Variants in FCHO1 observed in about 807,000 individuals in gnomAD.
FCHO1 encodes F-BAR domain only protein 1.
In FCHO1, 45 loss-of-function variants were observed where a neutral mutation model predicts 114.4. The ratio of observed to expected loss-of-function variants is 0.39; its 90% CI spans 0.31 to 0.50. The LOEUF (loss-of-function observed/expected upper bound fraction) is 0.50, where lower values mean the gene tolerates loss of function less well. FCHO1 is among the 20% of genes least tolerant of loss of function. FCHO1 has a pLI of 0.77. For missense variants in FCHO1, 1,042 were observed against 1,209.6 expected (o/e 0.86, Z 2.06); for synonymous variants, 480 against 488.9 (o/e 0.98, Z 0.24).
intron 27 of FCHO1, among the ~76,000 whole-genome samples, chr19:17,787,094 C>T (rs756577684): frequency 5.9e-5 from 9 of 151,400 alleles, no homozygotes; most frequent in South Asian, 4.2e-4. Flanking sequence ...TGTGGTGGCA[C>T]GCACCTGTGA....
intron 27 of FCHO1, among the ~76,000 whole-genome samples, chr19:17,787,083 G>A (rs532963096): frequency 1.6e-3 from 247 of 151,790 alleles, no homozygotes; most frequent in Non-Finnish European, 2.3e-3. Flanking sequence ...AATTAGCCGC[G>A]TGTGGTGGCA....
chr19:17,769,109 C>G (rs971039727), intron 7 of FCHO1, among the ~76,000 whole-genome samples: 3 of 150,606 alleles, frequency 2.0e-5, no homozygotes, highest in Non-Finnish European at 4.4e-5. Context: ...AACCCTGTCT[C>G]TACTAAAAAT....
chr19:17,756,559 G>C (rs1179440095), intron 4 of FCHO1, among the ~76,000 whole-genome samples: 2 of 152,140 alleles, frequency 1.3e-5, no homozygotes, highest in African/African-American at 2.4e-5. Flanking sequence ...GATTCGAATT[G>C]ACTCTGCTGG....
intron 4 of FCHO1, among the ~76,000 whole-genome samples, chr19:17,757,263 G>T (rs1360082575): frequency 6.6e-6 from 1 of 151,820 alleles, no homozygotes; most frequent in Non-Finnish European, 1.5e-5. Flanking sequence ...TGGTGGGAGA[G>T]ACAGACCTGA....
In FCHO1 at chr19:17,776,375, T is replaced by C; in HGVS notation, c.1207+104T>C. 7.1e-7 allele frequency: 1 copy of C among 1,405,548 alleles called. No homozygotes were observed. The highest frequency in any genetic ancestry group is 1.7e-5 in the Admixed American group (1 of 59,684). The allele number at this position is 1,405,548 out of a possible 1,614,324, so 87.1% of individuals were successfully genotyped here. A position where few individuals can be genotyped will look rare whatever the true frequency, so the allele number is the denominator to read the frequency against. ...GTTTTGTAACTTTGGGCAGGCTGCT[T>C]AACCACACTGACCTTCAGTCTCCTT... On this transcript the variant is annotated intron_variant, in intron 17 of 28. Transcript: ENST00000596536. This position sits in a 1 kb window ranked among gnomAD's most constrained non-coding sequence, Gnocchi z 4.4.
rs529896122 is a variant in FCHO1 at position 17,762,276 on chromosome 19, G to A, written c.28-486G>A. ...GTTGGGATTACGGGCGTGAGCCACCGTGCCCAGCTCAACACACTTTTTTTT... is the reference window on the plus strand; with the variant it reads ...GTTGGGATTACGGGCGTGAGCCACCATGCCCAGCTCAACACACTTTTTTTT... On this transcript the variant is annotated intron_variant, in intron 4 of 28. Coordinates refer to ENST00000596536, the MANE Select transcript of FCHO1 (RefSeq NM_015122.3). Among the ~76,000 whole-genome samples, 11 of 150,530 alleles carry A rather than the reference G, an allele frequency of 7.3e-5. No homozygotes were observed. In the East Asian group the frequency reaches 1.6e-3, roughly 22 times the overall value.
rs919450995 is a variant in FCHO1, at chr19:17,772,551, G to A, written c.689G>A (p.Gly230Glu). 5.6e-6 allele frequency: 9 copies of A among 1,613,986 alleles called. No individual in the cohort carries two copies. The highest frequency in any genetic ancestry group is 7.6e-6 in the Non-Finnish European group (9 of 1,179,988). The change falls in exon 10 of 29, where the codon GGG (glycine) becomes GAG (glutamate). Residue 230 changes from glycine to glutamate, a missense_variant. This residue lies in a region of FCHO1 where 450 missense variants were observed against 564.1 expected (regional missense o/e 0.80). Coordinates refer to ENST00000596536, the MANE Select transcript of FCHO1 (RefSeq NM_015122.3). ...GTGGAGGACACGCACGTGCAGATTG[G>A]GCAGGTGAGTTGGGCAGGTGTGAGG... ...HSVEDTHVQI[G>E]QVHEEFKQNI...
Position 17,775,134 on chromosome 19 carries a change from CA to C in FCHO1, c.945+55del, listed in dbSNP as rs2092436792. 5.7e-6 allele frequency: 9 copies of C among 1,571,998 alleles called. No homozygotes were observed. The Admixed American group carries it at 1.6e-4, about 28-fold the overall frequency. ...GCTACAAGTGGAAGGAGTTTGATCC[CA>C]CTCTTGGCTCCTAGAGTCCCGATCC... On this transcript the variant is annotated intron_variant, in intron 14 of 28. Transcript: ENST00000596536. This position sits in a 1 kb window ranked among gnomAD's most constrained non-coding sequence, Gnocchi z 5.1.
intron 7 of FCHO1, among the ~76,000 whole-genome samples, chr19:17,767,385 C>T (rs144585802): frequency 0.015 from 1,276 of 85,476 alleles, 39 homozygotes; most frequent in East Asian, 0.14. Flanking sequence ...TAGGGAGACC[C>T]CATCTTTACC....
rs373033903 is a variant in FCHO1 at position 17,778,189 on chromosome 19, C to T, written c.1312C>T (p.Pro438Ser). 1.6e-5 allele frequency: 26 copies of T among 1,613,662 alleles called. No homozygotes were observed. Among genetic ancestry groups the T allele is most frequent in the African/African-American group, 2.7e-5 (2 of 74,924 alleles). Residue 438 changes from proline (P) to serine (S), a missense_variant, in exon 19 of 29, where the codon CCG becomes TCG. Around this residue, in one of 3 missense-constraint regions of FCHO1, gnomAD observed 455 missense variants for 455.4 expected, o/e 1.00. Coordinates refer to ENST00000596536, the MANE Select transcript of FCHO1 (RefSeq NM_015122.3). ...EEQVSKNLFG[P>S]PLESAFDHED... ...GCAGGTGTCCAAGAACCTCTTTGGG[C>T]CGCCCCTGGAGTCAGCCTTTGACCA...
chr19:17,763,006 AC>A (rs994446592), intron 5 of FCHO1, among the ~76,000 whole-genome samples, 153 bp downstream of exon 5: 39 of 152,100 alleles, frequency 2.6e-4, no homozygotes, highest in African/African-American at 9.4e-4. Flanking sequence ...CCGATTCTCA[AC>A]CCGGTCAGGC....
chr19:17,750,535 T>G (rs1255595528), upstream of FCHO1, among the ~76,000 whole-genome samples: 1 of 152,128 alleles, frequency 6.6e-6, no homozygotes, highest in East Asian at 1.9e-4. Context: ...CTCCGCTCAC[T>G]GCAACCTCCA....
At position 17,774,245 on chromosome 19, in the gene FCHO1, T is replaced by C; in HGVS notation, c.797T>C (p.Leu266Pro). 2 of 1,614,100 alleles carry C rather than the reference T, an allele frequency of 1.2e-6. No individual in the cohort carries two copies. Among genetic ancestry groups the C allele is most frequent in the Non-Finnish European group, 1.7e-6 (2 of 1,179,994 alleles). The change falls in exon 12 of 29, where the codon CTG becomes CCG. Residue 266 changes from leucine to proline, a missense_variant. By Grantham distance (98) the Leu-to-Pro change is moderately conservative (BLOSUM62 -3). Around this residue, in one of 3 missense-constraint regions of FCHO1, gnomAD observed 450 missense variants for 564.1 expected, o/e 0.80. Coordinates refer to ENST00000596536, the MANE Select transcript of FCHO1 (RefSeq NM_015122.3). Reference sequence around the variant, plus strand: ...TTTCCGTCTCCTGTCTCAGGACCTCTGGACTTCGAGGCATACAGTGCGGCT... The same window carrying C: ...TTTCCGTCTCCTGTCTCAGGACCTCCGGACTTCGAGGCATACAGTGCGGCT... ...KGTGREKPGP[L>P]DFEAYSAAAL...
intron 18 of FCHO1, among the ~76,000 whole-genome samples, chr19:17,777,914 C>T (rs1396389840): frequency 6.6e-6 from 1 of 152,176 alleles, no homozygotes; most frequent in Non-Finnish European, 1.5e-5. Flanking sequence ...TGGCAGGTGC[C>T]TGTAATCCCA....
chr19:17,756,681 G>C (rs2083664382), intron 4 of FCHO1, among the ~76,000 whole-genome samples: 1 of 152,270 alleles, frequency 6.6e-6, no homozygotes, highest in East Asian at 1.9e-4. Flanking sequence ...CACACCCCCA[G>C]ACTCAGGGAG....
chr19:17,786,756 T>A, intron 27 of FCHO1, 127 bp downstream of exon 27: 1 of 1,044,016 alleles, frequency 9.6e-7, no homozygotes, highest in Non-Finnish European at 1.4e-6. Flanking sequence ...AGGAAGTCTT[T>A]AAAAGCTGGA....
chr19:17,759,642 T>C (rs1333306752), intron 4 of FCHO1, among the ~76,000 whole-genome samples: 1 of 151,752 alleles, frequency 6.6e-6, no homozygotes, highest in Non-Finnish European at 1.5e-5. Flanking sequence ...GATCAGAAGG[T>C]GTGTATGAGG....
At chr19:17,786,704 A>C in intron 27 of FCHO1, 75 bp downstream of exon 27, 1 of 1,513,046 alleles carries the variant, frequency 6.6e-7, no homozygotes, top group South Asian at 1.2e-5. Flanking sequence ...TATGTTGGGG[A>C]AGAATTGGGG....
intron 9 of FCHO1, among the ~76,000 whole-genome samples, chr19:17,771,931 G>C (rs1289827838): frequency 6.6e-6 from 1 of 152,008 alleles, no homozygotes; most frequent in Non-Finnish European, 1.5e-5. Flanking sequence ...TCCTGCCTCA[G>C]CCTCCCTAGT....
Sources: allele counts gnomAD v4.1 joint callset (sites outside exome capture counted in the v4.1 genomes callset), GRCh38; gene constraint gnomAD v4.1.1; regional missense constraint gnomAD v4.1.1; non-coding constraint Gnocchi (gnomAD v3.1); transcripts MANE v1.5; gene names NCBI Gene and HGNC (gene_info 2026-07-23, HGNC 2026-07-21).